FHOD3: variants seen among roughly 807,000 people sequenced by gnomAD.
The protein encoded by FHOD3 is FH1/FH2 domain-containing protein 3.
In FHOD3, 90 loss-of-function variants were observed where a neutral mutation model predicts 173.0. The observed-to-expected ratio is 0.52, with a 90% CI of 0.44 to 0.62. The LOEUF (loss-of-function observed/expected upper bound fraction) is 0.62. FHOD3 is among the 20% of genes least tolerant of loss of function. The probability of loss-of-function intolerance (pLI) is 0.00; values close to 1 mark genes in which losing one functional copy is unlikely to be tolerated. For missense variants in FHOD3, 1,945 were observed against 2,034.7 expected (o/e 0.96, Z 0.85); for synonymous variants, 828 against 823.0 (o/e 1.01, Z -0.10).
At chr18:36,699,382 C>G (rs1034211991) in intron 17 of FHOD3, among the ~76,000 whole-genome samples, 1 of 152,234 alleles carries the variant, frequency 6.6e-6, no homozygotes, top group South Asian at 2.1e-4. Context: ...GAGACACTCA[C>G]AGAGAATCTG....
chr18:36,304,519 T>G (rs569352795), intron 1 of FHOD3, among the ~76,000 whole-genome samples: 1 of 152,322 alleles, frequency 6.6e-6, no homozygotes, highest in South Asian at 2.1e-4. Context: ...ATGATCTGAG[T>G]GTGTTTTCTA....
At chr18:36,617,583 C>CTGTG (rs763613681) in intron 9 of FHOD3, among the ~76,000 whole-genome samples, 304 of 116,336 alleles carry the variant, frequency 2.6e-3, no homozygotes, top group African/African-American at 7.8e-3. Context: ...TTGTACTTCC[C>CTGTG]TGTGTGTGTG....
intron 5 of FHOD3, among the ~76,000 whole-genome samples, chr18:36,570,162 A>G (rs1004628083): frequency 6.6e-6 from 1 of 152,136 alleles, no homozygotes; most frequent in African/African-American, 2.4e-5. Flanking sequence ...ATGACAAATG[A>G]AAAAAGAGAA....
At chr18:36,501,492 G>C (rs538157662) in intron 3 of FHOD3, among the ~76,000 whole-genome samples, 2 of 152,336 alleles carry the variant, frequency 1.3e-5, no homozygotes, top group East Asian at 3.9e-4. Flanking sequence ...TAGAAGGATG[G>C]ATTCTGTTCT....
chr18:36,508,107 G>A (rs899409031), intron 4 of FHOD3, among the ~76,000 whole-genome samples: 4 of 152,272 alleles, frequency 2.6e-5, no homozygotes, highest in African/African-American at 9.6e-5. Flanking sequence ...GGTGGTGATA[G>A]TGTTGGTATT....
At chr18:36,362,967 A>T (rs567559505) in intron 2 of FHOD3, among the ~76,000 whole-genome samples, 43 of 152,364 alleles carry the variant, frequency 2.8e-4, no homozygotes, top group African/African-American at 9.9e-4. Flanking sequence ...CAACCTGATT[A>T]AAAAATGGGC....
chr18:36,496,772 A>G (rs1351522068), intron 3 of FHOD3, among the ~76,000 whole-genome samples: 3 of 152,240 alleles, frequency 2.0e-5, no homozygotes, highest in Non-Finnish European at 2.9e-5. Flanking sequence ...GCTTATAAAT[A>G]TTAAAGGTTT....
intron 1 of FHOD3, among the ~76,000 whole-genome samples, chr18:36,304,625 A>G (rs1244644084): frequency 1.3e-5 from 2 of 152,038 alleles, no homozygotes; most frequent in Non-Finnish European, 2.9e-5. Flanking sequence ...TTAGAATCTT[A>G]GAAAAACAAG....
intron 25 of FHOD3, among the ~76,000 whole-genome samples, chr18:36,755,804 C>T (rs2042610843): frequency 6.6e-6 from 1 of 152,162 alleles, no homozygotes; most frequent in African/African-American, 2.4e-5. Context: ...GATGTGATTG[C>T]TCCAAGATAC....
intron 3 of FHOD3, among the ~76,000 whole-genome samples, chr18:36,476,811 G>C (rs146286467): frequency 6.6e-6 from 1 of 152,164 alleles, no homozygotes; most frequent in South Asian, 2.1e-4. Flanking sequence ...AATTCAGTGT[G>C]GGGGCATGAA....
At chr18:36,613,912 A>G (rs1439150680) in intron 9 of FHOD3, among the ~76,000 whole-genome samples, 2 of 152,078 alleles carry the variant, frequency 1.3e-5, no homozygotes, top group Non-Finnish European at 2.9e-5. Context: ...ACCTCAAGCA[A>G]TCCACTTGCC....
intron 27 of FHOD3, among the ~76,000 whole-genome samples, chr18:36,764,935 G>C (rs2043075920): frequency 6.6e-6 from 1 of 152,200 alleles, no homozygotes; most frequent in Non-Finnish European, 1.5e-5. Context: ...TTGCCTCTCT[G>C]TGAGCATTTG....
chr18:36,528,246 G>A (rs1330128237), intron 5 of FHOD3, among the ~76,000 whole-genome samples: 1 of 152,232 alleles, frequency 6.6e-6, no homozygotes, highest in Non-Finnish European at 1.5e-5. Context: ...AGCCCCACAA[G>A]ATAAGATCTT....
intron 19 of FHOD3, among the ~76,000 whole-genome samples, chr18:36,720,483 C>G (rs1324926540): frequency 1.3e-5 from 2 of 152,062 alleles, no homozygotes; most frequent in African/African-American, 2.4e-5. Context: ...GGTGATCCAC[C>G]TGCCTCAGCC....
intron 7 of FHOD3, among the ~76,000 whole-genome samples, 170 bp downstream of exon 7, chr18:36,595,068 C>T (rs758642657): frequency 3.3e-5 from 5 of 152,060 alleles, no homozygotes; most frequent in Non-Finnish European, 5.9e-5. Context: ...AGCTTAGGGC[C>T]GGAATGGGGT....
chr18:36,577,207 G>A (rs926436712), intron 6 of FHOD3, among the ~76,000 whole-genome samples: 1 of 151,998 alleles, frequency 6.6e-6, no homozygotes, highest in African/African-American at 2.4e-5. Flanking sequence ...ATTCCTATAT[G>A]GATAAAGAAT....
chr18:36,612,197 C>T lies in FHOD3; in HGVS notation c.957+102C>T, dbSNP rs76432596. ...CCACGCGTAAAGCGTATGAGCACCA[C>T]CAGCTTATTAGAAACTCAGCATCGT... On this transcript the variant is annotated intron_variant, in intron 9 of 28. Coordinates refer to ENST00000590592, the MANE Select transcript of FHOD3 (RefSeq NM_001281740.3). 174,495 of 1,258,630 alleles carry T rather than the reference C, an allele frequency of 0.14. 13,434 individuals are homozygous for T. Among genetic ancestry groups the T allele is most frequent in the Non-Finnish European group, 0.15 (141,897 of 916,146 alleles). 78.0% of individuals were successfully genotyped at this position (1,258,630 alleles called of 1,614,324 possible). A position where few individuals can be genotyped will look rare whatever the true frequency, so the allele number is the denominator to read the frequency against.
intron 5 of FHOD3, among the ~76,000 whole-genome samples, chr18:36,570,060 T>A (rs2058399646): frequency 6.6e-6 from 1 of 151,400 alleles, no homozygotes; most frequent in Non-Finnish European, 1.5e-5. Flanking sequence ...AAAGTAGAAA[T>A]TGATGAAGTT....
At chr18:36,665,934 C>T (rs749902054) in intron 14 of FHOD3, among the ~76,000 whole-genome samples, 7 of 152,064 alleles carry the variant, frequency 4.6e-5, no homozygotes, top group African/African-American at 1.4e-4. Flanking sequence ...TCCTTTGGGC[C>T]GGAGGACTCA....
Sources: gnomAD v4.1 joint callset for allele counts (sites outside exome capture counted in the v4.1 genomes callset) on GRCh38, gnomAD v4.1.1 for gene constraint, MANE v1.5 for transcripts, NCBI Gene and HGNC (gene_info 2026-07-23, HGNC 2026-07-21) for gene names.